The following ATP8A1 variants were observed in gnomAD, a reference collection of about 807,000 sequenced individuals.
ATP8A1 encodes the protein ATPase phospholipid transporting 8A1.
In ATP8A1, 90 loss-of-function variants were observed where a neutral mutation model predicts 177.7. The ratio of observed to expected loss-of-function variants is 0.51; its 90% CI spans 0.43 to 0.60. ATP8A1 has a LOEUF of 0.60. ATP8A1 is among the 20% of genes least tolerant of loss of function. The pLI, the probability that ATP8A1 is intolerant of heterozygous loss-of-function variation, is 0.00. For synonymous variants in ATP8A1, 493 were observed against 485.9 expected, an observed-to-expected ratio of 1.01 and a Z score of -0.19; for missense variants, 1,072 against 1,392.8, an observed-to-expected ratio of 0.77 and a Z score of 3.67.
At position 42,533,850 on chromosome 4, in the gene ATP8A1, T is replaced by G. The variant is rs569070553; in HGVS notation, c.1723-9003A>C. 3.3e-5 allele frequency among the ~76,000 whole-genome samples: 5 copies of G among 152,230 alleles called. No homozygotes were observed. In the East Asian group the frequency reaches 9.7e-4, roughly 29 times the overall value. On this transcript the variant is annotated intron_variant, in intron 20 of 36. Coordinates refer to ENST00000381668, the MANE Select transcript of ATP8A1 (RefSeq NM_006095.2). Reference sequence around the variant, plus strand: ...TGAAGATGGATCATATCACAGGGCTTTGTGCAGACACTCCCCAGGACCAGC... The same window carrying G: ...TGAAGATGGATCATATCACAGGGCTGTGTGCAGACACTCCCCAGGACCAGC...
rs546684728 is a variant in ATP8A1 at position 42,481,655 on chromosome 4, A to C, written c.2324+3841T>G. The stretch of plus-strand genomic sequence containing the variant: ...TGCTTGATTTCAGCTGTATCCATAA[A>C]TCTCCATGAGTCTTAGAACAAGCTT... On this transcript the variant is annotated intron_variant, in intron 25 of 36. Transcript: ENST00000381668. Among the ~76,000 whole-genome samples, 6 of 152,312 alleles carry C rather than the reference A, an allele frequency of 3.9e-5. No homozygotes were observed. The East Asian group carries it at 1.2e-3, about 29-fold the overall frequency.
At chr4:42,461,988 T>C (rs1477183301) in intron 27 of ATP8A1, among the ~76,000 whole-genome samples, 2 of 152,160 alleles carry the variant, frequency 1.3e-5, no homozygotes, top group African/African-American at 2.4e-5. Flanking sequence ...CTGTGGAACT[T>C]TGAACTTGAG....
At chr4:42,562,259 G>C (rs1289717120) in intron 15 of ATP8A1, 1 of 152,440 alleles carries the variant, frequency 6.6e-6, no homozygotes, top group Non-Finnish European at 1.5e-5. Context: ...GCCATCGGCA[G>C]CAGGCAGAGA....
chr4:42,471,970 G>A (rs944194533), intron 25 of ATP8A1: 10 of 702,112 alleles, frequency 1.4e-5, no homozygotes, highest in South Asian at 1.1e-4. Flanking sequence ...GCCTAAGTTG[G>A]TGGTGTCCAG....
intron 15 of ATP8A1, among the ~76,000 whole-genome samples, chr4:42,565,896 C>T (rs1731295187): frequency 6.6e-6 from 1 of 152,068 alleles, no homozygotes; most frequent in African/African-American, 2.4e-5. Flanking sequence ...CCCTTCAATC[C>T]AAAGTATTGA....
chr4:42,430,405 G>A (rs945255936), intron 33 of ATP8A1, among the ~76,000 whole-genome samples: 3 of 151,886 alleles, frequency 2.0e-5, no homozygotes, highest in African/African-American at 7.3e-5. Context: ...GAGAAAAATC[G>A]AGAGTCTTTA....
At chr4:42,589,852 C>T (rs1577656457) in intron 7 of ATP8A1, among the ~76,000 whole-genome samples, 1 of 149,924 alleles carries the variant, frequency 6.7e-6, no homozygotes, top group Non-Finnish European at 1.5e-5. Context: ...TCTAATTCTA[C>T]TTTTTTTTTT....
chr4:42,455,510 AT>A lies in ATP8A1; in HGVS notation c.2694+14del. The A allele has an allele frequency of 6.2e-7, 1 of 1,613,574 alleles. No individual in the cohort carries two copies. The highest frequency in any genetic ancestry group is 1.1e-5 in the South Asian group (1 of 91,002). On this transcript the variant is annotated intron_variant, in intron 28 of 36. Transcript: ENST00000381668. The stretch of plus-strand genomic sequence containing the variant: ...TATTCAATGAAACAGGAATTATCAA[AT>A]GTCCTAAACTTACCACGTTATAGAG...
intron 20 of ATP8A1, among the ~76,000 whole-genome samples, chr4:42,543,615 T>A (rs924187848): frequency 2.0e-5 from 3 of 152,328 alleles, no homozygotes; most frequent in South Asian, 4.1e-4. Context: ...ATACAATTTT[T>A]AAATATTTTC....
chr4:42,431,894 T>C (rs1715354790), intron 33 of ATP8A1, among the ~76,000 whole-genome samples: 1 of 152,222 alleles, frequency 6.6e-6, no homozygotes, highest in South Asian at 2.1e-4. Flanking sequence ...GAAATCATCA[T>C]CAATAAAAAT....
At chr4:42,590,431 G>A (rs1248792422) in intron 7 of ATP8A1, among the ~76,000 whole-genome samples, 2 of 152,124 alleles carry the variant, frequency 1.3e-5, no homozygotes, top group African/African-American at 4.8e-5. Flanking sequence ...TTCAATGACT[G>A]TTTCATGAAA....
intron 5 of ATP8A1, among the ~76,000 whole-genome samples, chr4:42,603,594 A>G (rs1473287388): frequency 2.6e-5 from 4 of 152,036 alleles, no homozygotes; most frequent in Admixed American, 6.6e-5. Flanking sequence ...CCATTTTAAA[A>G]CTCTTACAGA....
At chr4:42,616,621 C>G (rs892562706) in intron 4 of ATP8A1, among the ~76,000 whole-genome samples, 1 of 152,174 alleles carries the variant, frequency 6.6e-6, no homozygotes, top group Non-Finnish European at 1.5e-5. Context: ...TACAGTCTCC[C>G]CTGTTCAATG....
intron 1 of ATP8A1, among the ~76,000 whole-genome samples, chr4:42,643,308 G>A (rs1485507746): frequency 3.3e-5 from 5 of 152,202 alleles, no homozygotes. Context: ...ATTTTAGGAT[G>A]AATGCAATAC....
intron 19 of ATP8A1, among the ~76,000 whole-genome samples, chr4:42,545,744 C>T (rs1336243426): frequency 6.6e-6 from 1 of 152,132 alleles, no homozygotes; most frequent in Non-Finnish European, 1.5e-5. Context: ...GAGGCTGAGG[C>T]AGGGGGATCA....
At chr4:42,598,358 T>A (rs1734923749) in intron 6 of ATP8A1, among the ~76,000 whole-genome samples, 1 of 152,166 alleles carries the variant, frequency 6.6e-6, no homozygotes, top group Admixed American at 6.5e-5. Flanking sequence ...TATTTTATTC[T>A]ATACTACTTA....
chr4:42,556,546 T>G (rs953369445), intron 15 of ATP8A1, among the ~76,000 whole-genome samples: 3 of 152,138 alleles, frequency 2.0e-5, no homozygotes, highest in African/African-American at 7.2e-5. Flanking sequence ...CATTAATATC[T>G]GAGCAAATAT....
chr4:42,635,812 C>CATATAT (rs1324939916), intron 1 of ATP8A1, among the ~76,000 whole-genome samples: 2 of 69,180 alleles, frequency 2.9e-5, no homozygotes, highest in East Asian at 6.0e-4. Flanking sequence ...TATATATATA[C>CATATAT]ACATGTATGT....
chr4:42,460,034 A>AC (rs1340857157), intron 27 of ATP8A1, among the ~76,000 whole-genome samples: 2 of 151,602 alleles, frequency 1.3e-5, no homozygotes, highest in East Asian at 1.9e-4. Context: ...CTCGTGATCC[A>AC]CCCCCCTCGG....
Sources: allele counts gnomAD v4.1 joint callset (sites outside exome capture counted in the v4.1 genomes callset), GRCh38; gene constraint gnomAD v4.1.1; transcripts MANE v1.5; gene names NCBI Gene and HGNC (gene_info 2026-07-23, HGNC 2026-07-21).